CHST9: variants seen among roughly 807,000 people sequenced by gnomAD.
CHST9 encodes the protein GalNAc-4-sulfotransferase 2.
Under a neutral mutation model 44.4 loss-of-function variants are expected in CHST9, and 41 were observed. The observed-to-expected ratio is 0.92, with a 90% CI of 0.72 to 1.20. The LOEUF (loss-of-function observed/expected upper bound fraction) is 1.20. Among genes scored for constraint, CHST9 ranks in the 50% most tolerant of loss-of-function variants. The pLI is 0.00. For missense variants in CHST9, 504 were observed against 516.5 expected (o/e 0.98, Z 0.23); for synonymous variants, 171 against 178.4 (o/e 0.96, Z 0.33).
chr18:27,136,747 T>C (rs2058516244), intron 2 of CHST9, among the ~76,000 whole-genome samples: 1 of 152,200 alleles, frequency 6.6e-6, no homozygotes, highest in Non-Finnish European at 1.5e-5. Flanking sequence ...TAAAGAAGTT[T>C]CTGAGTTTTA....
intron 2 of CHST9, among the ~76,000 whole-genome samples, chr18:27,052,312 GTA>G (rs1377539988): frequency 1.8e-4 from 26 of 143,798 alleles, no homozygotes; most frequent in Admixed American, 2.0e-4. Context: ...ATATATGTGT[GTA>G]TATATATGTA....
chr18:27,050,417 C>G (rs562657328), intron 2 of CHST9, among the ~76,000 whole-genome samples: 1 of 152,070 alleles, frequency 6.6e-6, no homozygotes, highest in African/African-American at 2.4e-5. Context: ...TTTTTGTCAT[C>G]TATCAACATT....
chr18:27,128,928 C>T (rs1168321965), intron 2 of CHST9, among the ~76,000 whole-genome samples: 1 of 152,306 alleles, frequency 6.6e-6, no homozygotes, highest in East Asian at 1.9e-4. Flanking sequence ...TCCTCCATTT[C>T]TTTCCATTGA....
intron 2 of CHST9, among the ~76,000 whole-genome samples, chr18:27,136,896 T>C (rs1311188872): frequency 6.6e-6 from 1 of 152,234 alleles, no homozygotes; most frequent in Non-Finnish European, 1.5e-5. Flanking sequence ...TGGCTCAAAC[T>C]AAACTTGACT....
intron 4 of CHST9, among the ~76,000 whole-genome samples, chr18:26,973,155 C>G (rs35662722): frequency 0.26 from 39,849 of 151,820 alleles, 5,731 homozygotes; most frequent in African/African-American, 0.39. Flanking sequence ...TCACCACTCC[C>G]TGTATTTCCT....
intron 4 of CHST9, among the ~76,000 whole-genome samples, chr18:26,975,030 C>T (rs548368175): frequency 5.8e-4 from 89 of 152,320 alleles, no homozygotes; most frequent in African/African-American, 2.1e-3. Context: ...GGGCTCTAGG[C>T]ACCTTGCTCC....
intron 2 of CHST9, among the ~76,000 whole-genome samples, chr18:27,084,136 G>A (rs1233812536): frequency 6.6e-6 from 1 of 151,654 alleles, no homozygotes; most frequent in South Asian, 2.1e-4. Context: ...CCAGATTTTG[G>A]TATCAGAATG....
At chr18:27,007,253 G>C (rs1014058661) in intron 4 of CHST9, among the ~76,000 whole-genome samples, 3 of 152,180 alleles carry the variant, frequency 2.0e-5, no homozygotes, top group Admixed American at 1.3e-4. Flanking sequence ...GTGGCTGAGA[G>C]AGAAAGACAC....
intron 2 of CHST9, among the ~76,000 whole-genome samples, chr18:27,090,293 G>C (rs1030066555): frequency 6.6e-6 from 1 of 152,046 alleles, no homozygotes; most frequent in Non-Finnish European, 1.5e-5. Flanking sequence ...TGATGGGGTT[G>C]TTCGTTTTTT....
chr18:27,169,887 G>A (rs943104413), intron 1 of CHST9, among the ~76,000 whole-genome samples: 8 of 152,108 alleles, frequency 5.3e-5, no homozygotes, highest in Admixed American at 4.6e-4. Flanking sequence ...GATTACAGGC[G>A]TGAGCCACTG....
chr18:27,150,897 G>T (rs950376870), intron 1 of CHST9, among the ~76,000 whole-genome samples: 51 of 152,222 alleles, frequency 3.4e-4, no homozygotes, highest in African/African-American at 1.2e-3. Context: ...TTGGCTTAAG[G>T]GGTTTAGATT....
intron 4 of CHST9, among the ~76,000 whole-genome samples, chr18:26,966,587 G>A (rs543439473): frequency 3.9e-5 from 6 of 152,194 alleles, no homozygotes; most frequent in East Asian, 1.9e-4. Context: ...CTACACACAC[G>A]TTCATGTGTG....
At chr18:27,037,234 A>T (rs2057398993) in intron 3 of CHST9, among the ~76,000 whole-genome samples, 1 of 152,138 alleles carries the variant, frequency 6.6e-6, no homozygotes, top group South Asian at 2.1e-4. Context: ...TCATAGCCAA[A>T]CCTGTTACTT....
intron 5 of CHST9, chr18:26,925,847 G>A (rs1441434920): frequency 6.6e-6 from 1 of 152,116 alleles, no homozygotes; most frequent in Non-Finnish European, 1.5e-5. Context: ...ATTTCTATAT[G>A]ATAAGCAGTT....
chr18:27,112,432 T>C (rs1305524982), intron 2 of CHST9, among the ~76,000 whole-genome samples: 3 of 151,914 alleles, frequency 2.0e-5, no homozygotes, highest in Admixed American at 6.6e-5. Flanking sequence ...TTTTATACAA[T>C]ATTTTAAATA....
intron 1 of CHST9, among the ~76,000 whole-genome samples, chr18:27,149,332 T>C (rs564505657): frequency 6.6e-6 from 1 of 152,290 alleles, no homozygotes; most frequent in Admixed American, 6.5e-5. Flanking sequence ...AGTCTAATAA[T>C]GGCCTCTAGC....
At chr18:27,110,084 A>G (rs1302852725) in intron 2 of CHST9, among the ~76,000 whole-genome samples, 1 of 151,538 alleles carries the variant, frequency 6.6e-6, no homozygotes, top group Non-Finnish European at 1.5e-5. Context: ...AATAAATCCT[A>G]CTATAAAAGT....
intron 2 of CHST9, among the ~76,000 whole-genome samples, chr18:27,081,937 T>G (rs2057964957): frequency 1.3e-5 from 2 of 152,216 alleles, no homozygotes; most frequent in Non-Finnish European, 2.9e-5. Context: ...ATTAAAAATA[T>G]AAACCCAAGC....
intron 2 of CHST9, among the ~76,000 whole-genome samples, chr18:27,137,098 T>C (rs2143852164): frequency 6.6e-6 from 1 of 152,224 alleles, no homozygotes; most frequent in East Asian, 1.9e-4. Flanking sequence ...TAGGAAAGGA[T>C]ACAGACAATT....
Sources: allele counts gnomAD v4.1 joint callset (sites outside exome capture counted in the v4.1 genomes callset), GRCh38; gene constraint gnomAD v4.1.1; transcripts MANE v1.5; gene names NCBI Gene and HGNC (gene_info 2026-07-23, HGNC 2026-07-21).